The following RPSA2 variants were observed in gnomAD, a reference collection of about 807,000 sequenced individuals.
The protein encoded by RPSA2 is small ribosomal subunit protein uS2B.
At chr19:23,777,791 G>A in the RPSA2 span, among the ~76,000 whole-genome samples, 1 of 152,078 alleles carries the variant, frequency 6.6e-6, no homozygotes, top group African/African-American at 2.4e-5. Flanking sequence ...TACCACCTGT[G>A]CCCTGTCTAC....
the RPSA2 span, among the ~76,000 whole-genome samples, chr19:23,837,828 G>T: frequency 6.6e-6 from 1 of 152,110 alleles, no homozygotes; most frequent in South Asian, 2.1e-4. Flanking sequence ...TCTGAATTTT[G>T]TCAGTTCTAG....
chr19:23,869,957 T>C, the RPSA2 span, among the ~76,000 whole-genome samples: 1 of 152,216 alleles, frequency 6.6e-6, no homozygotes, highest in Non-Finnish European at 1.5e-5. Flanking sequence ...CAATTGACCT[T>C]AAATCTTGCT....
the RPSA2 span, among the ~76,000 whole-genome samples, chr19:23,834,610 T>C: frequency 6.6e-6 from 1 of 152,074 alleles, no homozygotes; most frequent in South Asian, 2.1e-4. Flanking sequence ...AGTAATGTTA[T>C]TTTATTAATT....
chr19:23,856,841 G>T, the RPSA2 span, among the ~76,000 whole-genome samples: 4 of 152,174 alleles, frequency 2.6e-5, no homozygotes, highest in African/African-American at 9.7e-5. Context: ...AGAACAGGGA[G>T]TAGGTCACAA....
At chr19:23,858,613 G>C in the RPSA2 span, among the ~76,000 whole-genome samples, 2 of 152,176 alleles carry the variant, frequency 1.3e-5, no homozygotes, top group Non-Finnish European at 2.9e-5. Context: ...AGAGCAGCCT[G>C]TAAAATCGAG....
the RPSA2 span, among the ~76,000 whole-genome samples, chr19:23,758,508 C>A: frequency 4.6e-5 from 7 of 152,240 alleles, no homozygotes; most frequent in East Asian, 1.2e-3. Flanking sequence ...AGACCCGGCG[C>A]TGCGGATGCA....
the RPSA2 span, among the ~76,000 whole-genome samples, chr19:23,821,848 T>C: frequency 6.6e-6 from 1 of 152,228 alleles, no homozygotes; most frequent in Non-Finnish European, 1.5e-5. Flanking sequence ...ATTTTCCTTT[T>C]TGTGAGGGCT....
the RPSA2 span, among the ~76,000 whole-genome samples, chr19:23,849,012 G>A: frequency 6.6e-6 from 1 of 152,206 alleles, no homozygotes; most frequent in Non-Finnish European, 1.5e-5. Flanking sequence ...AGATTCCCAA[G>A]GTCTGGGTAA....
chr19:23,764,744 CTG>C, the RPSA2 span, among the ~76,000 whole-genome samples: 70,436 of 151,104 alleles, frequency 0.47, 17,047 homozygotes, highest in Non-Finnish European at 0.56. Flanking sequence ...CCTCCCAAGT[CTG>C]TAAACATTTT....
At chr19:23,857,894 T>C in the RPSA2 span, among the ~76,000 whole-genome samples, 1 of 152,172 alleles carries the variant, frequency 6.6e-6, no homozygotes, top group African/African-American at 2.4e-5. Context: ...CTTGCTTATC[T>C]GTGTTTCCTG....
chr19:23,850,745 ATT>A, the RPSA2 span, among the ~76,000 whole-genome samples: 5 of 151,574 alleles, frequency 3.3e-5, no homozygotes, highest in African/African-American at 1.2e-4. Flanking sequence ...TTTAGGGAGA[ATT>A]TTTTTTGCCT....
At chr19:23,767,813 C>A in the RPSA2 span, among the ~76,000 whole-genome samples, 1 of 131,636 alleles carries the variant, frequency 7.6e-6, no homozygotes, top group Admixed American at 9.0e-5. Context: ...GTCGCCCAGG[C>A]TGGAGTGCAG....
At chr19:23,828,438 C>G in the RPSA2 span, among the ~76,000 whole-genome samples, 2 of 86,934 alleles carry the variant, frequency 2.3e-5, no homozygotes, top group Non-Finnish European at 4.8e-5. Flanking sequence ...AAAAATATTG[C>G]ATTAAATCTG....
chr19:23,866,063 G>A, the RPSA2 span, among the ~76,000 whole-genome samples: 1 of 152,176 alleles, frequency 6.6e-6, no homozygotes, highest in Non-Finnish European at 1.5e-5. Flanking sequence ...ACACTACAGA[G>A]GAAATGTTGA....
At chr19:23,866,260 G>T in the RPSA2 span, among the ~76,000 whole-genome samples, 148,992 of 152,320 alleles carry the variant, frequency 0.98, 72,960 homozygotes, top group Middle Eastern at 1. Flanking sequence ...TTATCGCATG[G>T]CTGCAAGATG....
At chr19:23,844,746 A>G in the RPSA2 span, among the ~76,000 whole-genome samples, 1 of 151,648 alleles carries the variant, frequency 6.6e-6, no homozygotes, top group Non-Finnish European at 1.5e-5. Context: ...TGTTGTGTTC[A>G]TGGCTAGTTT....
At chr19:23,850,010 G>C in the RPSA2 span, among the ~76,000 whole-genome samples, 2 of 152,122 alleles carry the variant, frequency 1.3e-5, no homozygotes, top group African/African-American at 4.8e-5. Context: ...AAGCAGCCCA[G>C]ACTTGAGTTT....
At chr19:23,850,746 T>C in the RPSA2 span, among the ~76,000 whole-genome samples, 1 of 151,752 alleles carries the variant, frequency 6.6e-6, no homozygotes. Context: ...TTAGGGAGAA[T>C]TTTTTTTGCC....
the RPSA2 span, among the ~76,000 whole-genome samples, chr19:23,760,122 G>A: frequency 6.6e-6 from 1 of 152,116 alleles, no homozygotes; most frequent in Non-Finnish European, 1.5e-5. Flanking sequence ...GCTCTTCCCA[G>A]GAAATGGTTA....
Sources: allele counts gnomAD v4.1 joint callset (sites outside exome capture counted in the v4.1 genomes callset), GRCh38; gene constraint gnomAD v4.1.1; transcripts MANE v1.5; gene names NCBI Gene and HGNC (gene_info 2026-07-23, HGNC 2026-07-21).